The following ENTREP2 variants were observed in gnomAD, a reference collection of about 807,000 sequenced individuals.
ENTREP2 encodes endosomal transmembrane epsin interactor 2, also known as protein ENTREP2.
the ENTREP2 span, among the ~76,000 whole-genome samples, chr15:29,278,220 G>A: frequency 6.6e-6 from 1 of 151,940 alleles, no homozygotes; most frequent in Non-Finnish European, 1.5e-5. Flanking sequence ...AAGATCTGCA[G>A]AAGAGATCCA....
chr15:29,224,366 G>C, the ENTREP2 span, among the ~76,000 whole-genome samples: 4 of 152,126 alleles, frequency 2.6e-5, no homozygotes, highest in African/African-American at 4.8e-5. Flanking sequence ...AAAGAACAAA[G>C]CTTCCACACT....
At chr15:29,218,726 T>TC in the ENTREP2 span, among the ~76,000 whole-genome samples, 1 of 152,142 alleles carries the variant, frequency 6.6e-6, no homozygotes, top group Non-Finnish European at 1.5e-5. Flanking sequence ...AAGGACACCC[T>TC]CTTCAATAAA....
At chr15:29,447,277 A>G in the ENTREP2 span, among the ~76,000 whole-genome samples, 2 of 152,136 alleles carry the variant, frequency 1.3e-5, no homozygotes, top group Non-Finnish European at 2.9e-5. Flanking sequence ...CATGGAGAAA[A>G]GAAGTCATTC....
the ENTREP2 span, among the ~76,000 whole-genome samples, chr15:29,151,487 G>A: frequency 3.9e-5 from 6 of 152,170 alleles, no homozygotes; most frequent in Non-Finnish European, 8.8e-5. Context: ...ACATGCCAGG[G>A]GCCATCCTAG....
chr15:29,277,110 G>A, the ENTREP2 span, among the ~76,000 whole-genome samples: 4 of 152,088 alleles, frequency 2.6e-5, no homozygotes, highest in Admixed American at 6.6e-5. Context: ...TTGGGAGGCC[G>A]GGGCAGGCAG....
At chr15:29,289,207 A>C in the ENTREP2 span, among the ~76,000 whole-genome samples, 2 of 139,970 alleles carry the variant, frequency 1.4e-5, no homozygotes, top group Non-Finnish European at 3.2e-5. Flanking sequence ...ACCCTGTCTC[A>C]AAAAAAAAAA....
chr15:29,413,681 C>T, the ENTREP2 span, among the ~76,000 whole-genome samples: 1 of 152,124 alleles, frequency 6.6e-6, no homozygotes, highest in South Asian at 2.1e-4. Flanking sequence ...CCTCTTCCTA[C>T]CAAATTTTCT....
At chr15:29,314,935 C>G in the ENTREP2 span, among the ~76,000 whole-genome samples, 31 of 152,216 alleles carry the variant, frequency 2.0e-4, no homozygotes, top group Non-Finnish European at 1.0e-4. Flanking sequence ...ACCTGTAGTC[C>G]CAGCTACTTG....
At chr15:29,258,130 T>C in the ENTREP2 span, among the ~76,000 whole-genome samples, 2 of 150,488 alleles carry the variant, frequency 1.3e-5, no homozygotes, top group South Asian at 2.1e-4. Context: ...GAAGAATCGC[T>C]TGAACTCGGG....
chr15:29,538,568 G>C, the ENTREP2 span, among the ~76,000 whole-genome samples: 1 of 150,646 alleles, frequency 6.6e-6, no homozygotes, highest in African/African-American at 2.4e-5. Context: ...GCTGAGGCGG[G>C]CAGATCACAA....
the ENTREP2 span, among the ~76,000 whole-genome samples, chr15:29,449,788 A>G: frequency 4.3e-4 from 66 of 152,338 alleles, no homozygotes; most frequent in African/African-American, 1.5e-3. Flanking sequence ...CATTTTGTAG[A>G]GTACTATAAT....
the ENTREP2 span, among the ~76,000 whole-genome samples, chr15:29,517,061 A>C: frequency 6.6e-6 from 1 of 151,688 alleles, no homozygotes; most frequent in Non-Finnish European, 1.5e-5. Flanking sequence ...TAGTAAAGGC[A>C]GCATGGCAGC....
At chr15:29,407,357 C>T in the ENTREP2 span, among the ~76,000 whole-genome samples, 29 of 152,292 alleles carry the variant, frequency 1.9e-4, no homozygotes, top group East Asian at 2.7e-3. Flanking sequence ...TTGAGGGAAG[C>T]GTTGGTGTGT....
At chr15:29,133,672 C>T in the ENTREP2 span, among the ~76,000 whole-genome samples, 1 of 152,322 alleles carries the variant, frequency 6.6e-6, no homozygotes, top group South Asian at 2.1e-4. Context: ...TGCCTAGTGC[C>T]CTGTAGCCTG....
At chr15:29,312,536 A>T in the ENTREP2 span, among the ~76,000 whole-genome samples, 1 of 152,154 alleles carries the variant, frequency 6.6e-6, no homozygotes, top group Non-Finnish European at 1.5e-5. Flanking sequence ...TCTCTGAGTC[A>T]TATTTTGGTA....
At chr15:29,388,723 A>G in the ENTREP2 span, among the ~76,000 whole-genome samples, 2 of 152,214 alleles carry the variant, frequency 1.3e-5, no homozygotes, top group Admixed American at 6.5e-5. Context: ...CCAAATGTCC[A>G]TCAATGATAG....
the ENTREP2 span, among the ~76,000 whole-genome samples, chr15:29,519,163 A>T: frequency 5.1e-4 from 77 of 149,558 alleles, no homozygotes; most frequent in African/African-American, 1.7e-3. Context: ...TCTCTCTCAC[A>T]CACACACACA....
chr15:29,207,789 CTGGAG>C, the ENTREP2 span, among the ~76,000 whole-genome samples: 1 of 152,180 alleles, frequency 6.6e-6, no homozygotes, highest in Non-Finnish European at 1.5e-5. Flanking sequence ...CTGTTTGTTC[CTGGAG>C]AGGTGCTAAA....
chr15:29,655,859 T>C, the ENTREP2 span, among the ~76,000 whole-genome samples: 8 of 152,126 alleles, frequency 5.3e-5, no homozygotes, highest in South Asian at 4.1e-4. Context: ...ACTCTGTCTC[T>C]AGTAAAAGTG....
Sources: gnomAD v4.1 joint callset for allele counts (sites outside exome capture counted in the v4.1 genomes callset) on GRCh38, gnomAD v4.1.1 for gene constraint, MANE v1.5 for transcripts, NCBI Gene and HGNC (gene_info 2026-07-23, HGNC 2026-07-21) for gene names.